Variants in GPC6 observed in about 807,000 individuals in gnomAD.
GPC6 encodes the protein glypican-6.
GPC6 carries 14 observed loss-of-function variants against 55.2 expected under a neutral mutation model. The observed-to-expected ratio is 0.25, with a 90% CI of 0.17 to 0.40. The LOEUF is 0.40. Among genes scored for constraint, GPC6 ranks in the 10% least tolerant of loss-of-function variants. GPC6 has a pLI of 1.00. For synonymous variants in GPC6, 278 were observed against 259.6 expected (o/e 1.07, Z -0.68); for missense variants, 641 against 708.5 (o/e 0.90, Z 1.08).
intron 2 of GPC6, among the ~76,000 whole-genome samples, chr13:93,633,959 C>G (rs78045319): frequency 0.017 from 2,558 of 152,140 alleles, 61 homozygotes; most frequent in African/African-American, 0.057. Flanking sequence ...CCACTGCTTT[C>G]TCTAGATATC....
chr13:93,667,713 C>T (rs951672039), intron 2 of GPC6, among the ~76,000 whole-genome samples: 1 of 142,508 alleles, frequency 7.0e-6, no homozygotes, highest in Non-Finnish European at 1.5e-5. Flanking sequence ...TAGGTGTAAA[C>T]CACCACACCC....
At chr13:93,869,614 C>A (rs1889068106) in intron 3 of GPC6, among the ~76,000 whole-genome samples, 1 of 151,850 alleles carries the variant, frequency 6.6e-6, no homozygotes, top group Non-Finnish European at 1.5e-5. Context: ...CCATGCCTGG[C>A]CTCACATCCC....
intron 1 of GPC6, among the ~76,000 whole-genome samples, chr13:93,410,436 G>A (rs948116351): frequency 5.3e-5 from 8 of 152,118 alleles, no homozygotes; most frequent in African/African-American, 1.7e-4. Context: ...ATGCTCACGG[G>A]TACTAATAGG....
At chr13:93,679,268 G>C (rs898398088) in intron 2 of GPC6, among the ~76,000 whole-genome samples, 2 of 152,060 alleles carry the variant, frequency 1.3e-5, no homozygotes, top group African/African-American at 4.8e-5. Context: ...ATTTGACCTA[G>C]TGGCCTGTGG....
chr13:93,871,911 T>C (rs1889144246), intron 3 of GPC6, among the ~76,000 whole-genome samples: 1 of 151,990 alleles, frequency 6.6e-6, no homozygotes, highest in Non-Finnish European at 1.5e-5. Context: ...AATGAAGATT[T>C]TGCATTTCAT....
intron 2 of GPC6, among the ~76,000 whole-genome samples, chr13:93,720,968 T>G (rs554701867): frequency 1.3e-5 from 2 of 151,838 alleles, no homozygotes; most frequent in Non-Finnish European, 2.9e-5. Flanking sequence ...TGCTGAGGAG[T>G]GTTTTACTTC....
chr13:93,350,811 C>G (rs7988183), intron 1 of GPC6, among the ~76,000 whole-genome samples: 48,836 of 152,016 alleles, frequency 0.32, 9,071 homozygotes, highest in East Asian at 0.79. Flanking sequence ...TCAACTATGT[C>G]TATCAGATTG....
At chr13:93,515,257 T>C (rs1881146862) in intron 1 of GPC6, among the ~76,000 whole-genome samples, 1 of 152,106 alleles carries the variant, frequency 6.6e-6, no homozygotes, top group African/African-American at 2.4e-5. Context: ...GTTTTCAGCC[T>C]CCAGAACTTT....
intron 2 of GPC6, among the ~76,000 whole-genome samples, chr13:93,650,474 AAAAAAAAGTCAAAGCTGCGAACTG>A (rs140421690): frequency 0.26 from 38,975 of 151,640 alleles, 5,573 homozygotes; most frequent in East Asian, 0.46. Flanking sequence ...AAGGAATGGA[AAAAAAAAGTCAAAGCTGCGAACTG>A]AAAAAAAATA....
intron 4 of GPC6, among the ~76,000 whole-genome samples, chr13:94,268,996 C>T (rs1200949648): frequency 6.6e-6 from 1 of 152,108 alleles, no homozygotes; most frequent in African/African-American, 2.4e-5. Context: ...CAATTCTGTT[C>T]TCAGTACAGA....
intron 1 of GPC6, among the ~76,000 whole-genome samples, chr13:93,459,993 C>A (rs1409664939): frequency 6.6e-6 from 1 of 152,168 alleles, no homozygotes; most frequent in African/African-American, 2.4e-5. Context: ...TCAAGGCTAA[C>A]TTTTCTTTTG....
chr13:94,106,200 G>A (rs946512939), intron 4 of GPC6, among the ~76,000 whole-genome samples: 1 of 151,872 alleles, frequency 6.6e-6, no homozygotes, highest in Admixed American at 6.6e-5. Context: ...GGAAAGGGTA[G>A]CTCCCACGAC....
At chr13:93,452,512 C>T (rs1196484126) in intron 1 of GPC6, among the ~76,000 whole-genome samples, 3 of 151,958 alleles carry the variant, frequency 2.0e-5, no homozygotes, top group East Asian at 1.9e-4. Context: ...ATTTACATGA[C>T]GGTCATAATT....
chr13:93,859,069 G>C lies in GPC6; in HGVS notation c.711+28524G>C, dbSNP rs748523305. The stretch of plus-strand genomic sequence containing the variant: ...AGGTCATCTCTTTAACATCTCTGTG[G>C]GGTCTATACTATTATATCTTCAATT... On this transcript the variant is annotated intron_variant, in intron 3 of 8. Transcript: ENST00000377047. Among the ~76,000 whole-genome samples the C allele has an allele frequency of 4.6e-5, 7 of 151,352 alleles. No individual in the cohort carries two copies. The South Asian group carries it at 6.2e-4, about 13-fold the overall frequency.
chr13:93,342,184 T>A, intron 1 of GPC6, among the ~76,000 whole-genome samples: 1 of 152,026 alleles, frequency 6.6e-6, no homozygotes, highest in Admixed American at 6.6e-5. Flanking sequence ...TTGGGCAGAT[T>A]TTTGATGTAG....
chr13:94,161,125 A>C (rs2138913254), intron 4 of GPC6, among the ~76,000 whole-genome samples: 1 of 152,252 alleles, frequency 6.6e-6, no homozygotes, highest in Middle Eastern at 3.4e-3. Flanking sequence ...TATTTTATTA[A>C]ATGCAAATAT....
intron 6 of GPC6, among the ~76,000 whole-genome samples, chr13:94,378,804 C>T (rs922363874): frequency 1.1e-4 from 17 of 152,124 alleles, no homozygotes; most frequent in African/African-American, 4.1e-4. Context: ...ATTACTAATA[C>T]AATATTGGAG....
chr13:94,190,020 C>CA lies in GPC6; in HGVS notation c.878-96315dup, dbSNP rs551911889. ...TGGGAGACAGAGCAAGACTCTGTCT[C>CA]AAAAAAAAAAAAAAGTATGCAGGCC... On this transcript the variant is annotated intron_variant, in intron 4 of 8. Transcript: ENST00000377047. Among the ~76,000 whole-genome samples, 257 of 126,758 alleles carry CA rather than the reference C, an allele frequency of 2.0e-3. 1 individual carries two copies. Among genetic ancestry groups the CA allele is most frequent in the East Asian group, 3.6e-3 (16 of 4,392 alleles). The allele number at this position is 126,758 out of a possible 152,430, so 83.2% of individuals were successfully genotyped here.
chr13:94,039,546 T>A (rs1883458915), intron 4 of GPC6, among the ~76,000 whole-genome samples: 1 of 151,936 alleles, frequency 6.6e-6, no homozygotes, highest in South Asian at 2.1e-4. Flanking sequence ...AACAGGAAGC[T>A]AGTTCGGGGA....
Sources: allele counts gnomAD v4.1 joint callset (sites outside exome capture counted in the v4.1 genomes callset), GRCh38; gene constraint gnomAD v4.1.1; transcripts MANE v1.5; gene names NCBI Gene and HGNC (gene_info 2026-07-23, HGNC 2026-07-21).